The following OPCML variants were observed in gnomAD, a reference collection of about 807,000 sequenced individuals.
The protein encoded by OPCML is opioid-binding protein/cell adhesion molecule.
A neutral mutation model predicts 37.8 loss-of-function variants in OPCML; 13 were observed. That is an observed-to-expected ratio of 0.34 (90% CI 0.22 to 0.55). OPCML has a LOEUF of 0.55. Among genes scored for constraint, OPCML ranks in the 20% least tolerant of loss-of-function variants. The probability of loss-of-function intolerance (pLI) is 0.91; values close to 1 mark genes in which losing one functional copy is unlikely to be tolerated. For missense variants in OPCML, 341 were observed against 435.6 expected, an observed-to-expected ratio of 0.78 and a Z score of 1.93; for synonymous variants, 176 against 168.8, an observed-to-expected ratio of 1.04 and a Z score of -0.33.
chr11:132,706,219 A>G (rs539151333), intron 2 of OPCML, among the ~76,000 whole-genome samples: 5 of 152,302 alleles, frequency 3.3e-5, no homozygotes, highest in African/African-American at 9.6e-5. Context: ...CCAGACTCCA[A>G]GTGCTTGTGT....
intron 1 of OPCML, among the ~76,000 whole-genome samples, chr11:133,214,250 TG>T (rs1939495027): frequency 6.6e-6 from 1 of 152,192 alleles, no homozygotes; most frequent in Non-Finnish European, 1.5e-5. Flanking sequence ...TCAGATTTAT[TG>T]GCTGAATTTT....
At chr11:133,363,790 A>G (rs2136728081) in intron 1 of OPCML, among the ~76,000 whole-genome samples, 1 of 152,302 alleles carries the variant, frequency 6.6e-6, no homozygotes, top group Non-Finnish European at 1.5e-5. Context: ...CAAGCCGAGC[A>G]AAAGAGGAGG....
intron 1 of OPCML, among the ~76,000 whole-genome samples, chr11:133,281,278 T>C (rs1178284002): frequency 6.6e-6 from 1 of 152,152 alleles, no homozygotes; most frequent in Admixed American, 6.5e-5. Flanking sequence ...GTTTTGATCA[T>C]GAGGATAGAT....
chr11:133,154,441 T>A (rs941999622), intron 1 of OPCML, among the ~76,000 whole-genome samples: 1 of 152,208 alleles, frequency 6.6e-6, no homozygotes, highest in South Asian at 2.1e-4. Flanking sequence ...TCTGCAATTA[T>A]GACTATTCTT....
At chr11:133,224,804 T>A (rs750300247) in intron 1 of OPCML, among the ~76,000 whole-genome samples, 7 of 152,234 alleles carry the variant, frequency 4.6e-5, no homozygotes, top group Non-Finnish European at 1.0e-4. Context: ...TAATTAACTT[T>A]TGATTTATAC....
At chr11:133,470,292 G>A (rs886864535) in intron 1 of OPCML, among the ~76,000 whole-genome samples, 5 of 152,198 alleles carry the variant, frequency 3.3e-5, no homozygotes, top group African/African-American at 1.2e-4. Flanking sequence ...CACAGTTTTT[G>A]ACCATCACTC....
intron 1 of OPCML, among the ~76,000 whole-genome samples, chr11:133,388,441 A>T (rs1945103192): frequency 6.6e-6 from 1 of 152,206 alleles, no homozygotes; most frequent in African/African-American, 2.4e-5. Context: ...ATGGCAATCT[A>T]CAAGAGCTCT....
chr11:132,639,365 T>G (rs937140696), intron 3 of OPCML, among the ~76,000 whole-genome samples: 1 of 152,202 alleles, frequency 6.6e-6, no homozygotes, highest in African/African-American at 2.4e-5. Flanking sequence ...CCTAACTATG[T>G]GCAAGGTGAC....
At chr11:133,423,230 C>T in intron 1 of OPCML, 1 of 985,396 alleles carries the variant, frequency 1.0e-6, no homozygotes, top group Non-Finnish European at 1.2e-6. Context: ...TTAATTGCCT[C>T]ATTCTAGAGT....
chr11:133,185,406 G>T (rs925606741), intron 1 of OPCML, among the ~76,000 whole-genome samples: 1 of 152,074 alleles, frequency 6.6e-6, no homozygotes, highest in Non-Finnish European at 1.5e-5. Context: ...ATTTCACTGT[G>T]TCAGCAGGGC....
intron 3 of OPCML, among the ~76,000 whole-genome samples, chr11:132,631,854 G>A (rs1418855841): frequency 2.6e-5 from 4 of 152,072 alleles, no homozygotes; most frequent in South Asian, 2.1e-4. Context: ...ATGGCAAGAC[G>A]TATCATGGAG....
At position 133,282,080 on chromosome 11, in the gene OPCML, A is replaced by C. The variant is rs143470230; in HGVS notation, c.61+250184T>G. Among the ~76,000 whole-genome samples, 611 of 152,344 alleles carry C rather than the reference A, an allele frequency of 4.0e-3. 6 individuals are homozygous for C. The highest frequency in any genetic ancestry group is 0.014 in the African/African-American group (568 of 41,580). Reference sequence around the variant, plus strand: ...TAAAAGGGAAGCAGAGAGTAAAAGTAAGTTTGCAGCCTGGCCCTGTTGTAG... The same window carrying C: ...TAAAAGGGAAGCAGAGAGTAAAAGTCAGTTTGCAGCCTGGCCCTGTTGTAG... On this transcript the variant is annotated intron_variant, in intron 1 of 7. Transcript: ENST00000524381.
chr11:132,805,826 T>C (rs187859169), intron 2 of OPCML, among the ~76,000 whole-genome samples: 1 of 152,256 alleles, frequency 6.6e-6, no homozygotes, highest in Admixed American at 6.5e-5. Context: ...GATCTATAGG[T>C]AAAAATGATA....
At chr11:133,496,974 G>T (rs1195325668) in intron 1 of OPCML, among the ~76,000 whole-genome samples, 3 of 152,126 alleles carry the variant, frequency 2.0e-5, no homozygotes, top group African/African-American at 4.8e-5. Flanking sequence ...TCCCTGTCTT[G>T]TTCCCGTTCT....
chr11:132,606,437 AT>A (rs1938301063), intron 3 of OPCML, among the ~76,000 whole-genome samples: 1 of 152,162 alleles, frequency 6.6e-6, no homozygotes, highest in East Asian at 1.9e-4. Flanking sequence ...ATTCCCCTGC[AT>A]TTGTCAGAGC....
Position 132,420,099 on chromosome 11 carries a change from A to G in OPCML, c.*94T>C, listed in dbSNP as rs2095952537. On this transcript the variant is annotated 3_prime_UTR_variant, in exon 8 of 8. Coordinates refer to ENST00000524381, the MANE Select transcript of OPCML (RefSeq NM_001012393.5). ...CAAATCTAGAATAACAGAAAAAAAC[A>G]AAAAGAAGCCCAAGCTGGTTTGCTC... The G allele has an allele frequency of 9.9e-7, 1 of 1,008,940 alleles. No homozygotes were observed. The highest frequency in any genetic ancestry group is 1.5e-6 in the Non-Finnish European group (1 of 684,576). The allele number at this position is 1,008,940 out of a possible 1,614,324, so 62.5% of individuals were successfully genotyped here. A position where few individuals can be genotyped will look rare whatever the true frequency, so the allele number is the denominator to read the frequency against.
intron 3 of OPCML, among the ~76,000 whole-genome samples, chr11:132,631,170 T>C (rs1375856777): frequency 6.6e-6 from 1 of 151,998 alleles, no homozygotes; most frequent in East Asian, 1.9e-4. Flanking sequence ...CTCCAGTGGC[T>C]ACTACTGAAG....
At chr11:132,905,638 T>C (rs1944214133) in intron 2 of OPCML, among the ~76,000 whole-genome samples, 1 of 151,986 alleles carries the variant, frequency 6.6e-6, no homozygotes, top group Non-Finnish European at 1.5e-5. Flanking sequence ...ACCTTCATGA[T>C]GCAAAATTAA....
At chr11:133,180,018 G>A (rs143111954) in intron 1 of OPCML, among the ~76,000 whole-genome samples, 8 of 152,308 alleles carry the variant, frequency 5.3e-5, no homozygotes, top group African/African-American at 1.7e-4. Context: ...AGGCAACCAT[G>A]GGCCTTAAAT....
Sources: allele counts gnomAD v4.1 joint callset (sites outside exome capture counted in the v4.1 genomes callset), GRCh38; gene constraint gnomAD v4.1.1; transcripts MANE v1.5; gene names NCBI Gene and HGNC (gene_info 2026-07-23, HGNC 2026-07-21).